Variants in FLNA observed in about 807,000 individuals in gnomAD.
FLNA encodes filamin A.
Under a neutral mutation model 157.6 loss-of-function variants are expected in FLNA, and 7 were observed. The ratio of observed to expected loss-of-function variants is 0.04; its 90% CI spans 0.03 to 0.08. FLNA has a LOEUF of 0.08. Among genes scored for constraint, FLNA ranks in the 10% least tolerant of loss-of-function variants. The probability of loss-of-function intolerance (pLI) is 1.00; values close to 1 mark genes in which losing one functional copy is unlikely to be tolerated. For missense variants in FLNA, 1,750 were observed against 2,398.4 expected (o/e 0.73, Z 5.65); for synonymous variants, 1,103 against 1,060.8 (o/e 1.04, Z -0.77).
At position 154,371,203 on chromosome X, in the gene FLNA, C is replaced by T. The variant is rs782034946; in HGVS notation, c.43G>A (p.Ala15Thr). ...GTGTCGACGCCGCCGCCCGGAGCCGCGCCTGCTGCGCTCTGGCCCGCCCGA... is the reference window on the plus strand; with the variant it reads ...GTGTCGACGCCGCCGCCCGGAGCCGTGCCTGCTGCGCTCTGGCCCGCCCGA... Reference protein sequence around the residue: ...HSRAGQSAAGAAPGGGVDTRD... With the variant: ...HSRAGQSAAGTAPGGGVDTRD... The change falls in exon 2 of 48, where the codon GCG becomes ACG. Residue 15 changes from alanine to threonine, a missense_variant. By Grantham distance (58) the Ala-to-Thr change is moderately conservative. Around this residue, in one of 5 missense-constraint regions of FLNA, gnomAD observed 58 missense variants for 27.8 expected, o/e 2.09. Transcript: ENST00000369850. 8 of 1,197,217 alleles carry T rather than the reference C, an allele frequency of 6.7e-6. No individual in the cohort carries two copies. The highest frequency in any genetic ancestry group is 1.1e-6 in the Non-Finnish European group (1 of 888,919).
rs12008807 is a variant in FLNA at position 154,350,140 on chromosome X, G to A, written c.7224C>T (p.Gly2408=). The change falls in exon 45 of 48, where the codon GGC becomes GGT. Residue 2408 remains glycine (G), a synonymous_variant. Transcript: ENST00000369850. ...TGAAGGGGCTTCCAGGGATGTGGGT[G>A]CCGTTGAACTTGACGTCAATCAGGT... ...GVYLIDVKFN[G]THIPGSPFKI... 4.6e-3 allele frequency: 5,590 copies of A among 1,210,095 alleles called. 168 individuals carry two copies. In the African/African-American group the frequency reaches 0.082, roughly 18 times the overall value.
At chrX:154,354,504 A>G in intron 32 of FLNA, 21 bp from the exon 33 acceptor site, 1 of 1,195,829 alleles carries the variant, frequency 8.4e-7, no homozygotes, top group South Asian at 1.8e-5. Flanking sequence ...GACACAGGGC[A>G]TGGGTGAGGG....
rs61741041 is a variant in FLNA, at chrX:154,357,459, C to T, written c.4920G>A (p.Gly1640=). The part of the protein sequence containing the change: ...SPYRVRAVPT[G]DASKCTVTVS... Reference sequence around the variant, plus strand: ...CTGTGACAGTGCACTTGCTGGCGTCCCCGGTGGGCACGGCACGCACGCGGT... The same window carrying T: ...CTGTGACAGTGCACTTGCTGGCGTCTCCGGTGGGCACGGCACGCACGCGGT... The change falls in exon 29 of 48, where the codon GGG becomes GGA. Residue 1640 remains glycine (G), a synonymous_variant. Transcript: ENST00000369850. 17,630 of 1,208,249 alleles carry T rather than the reference C, an allele frequency of 0.015. 1,634 individuals are homozygous for T. The African/African-American group carries it at 0.27, about 18-fold the overall frequency.
chrX:154,366,110 G>T lies in FLNA; in HGVS notation c.1343C>A (p.Pro448His). Residue 448 changes from proline (P) to histidine (H), a missense_variant, in exon 9 of 48, where the codon CCC (proline) becomes CAC (histidine). By Grantham distance (77) the Pro-to-His change is moderately conservative. This residue lies in a region of FLNA where 648 missense variants were observed against 805.8 expected (regional missense o/e 0.80). Transcript: ENST00000369850. ...GDSTYRCSYQ[P>H]TMEGVHTVHV... ...CACGGTGTGGACGCCCTCCATGGTG[G>T]GCTGGTAGCTGCAGCGGTATGTGCT... 1 of 1,210,594 alleles carries T rather than the reference G, an allele frequency of 8.3e-7. No homozygotes were observed. Among genetic ancestry groups the T allele is most frequent in the South Asian group, 1.8e-5 (1 of 57,055 alleles).
At chrX:154,361,076 A>AAAAGAAAAAAAAAAAAAAG (rs2067705302) in intron 21 of FLNA, among the ~76,000 whole-genome samples, 2 of 89,021 alleles carry the variant, frequency 2.2e-5, no homozygotes, top group Non-Finnish European at 4.5e-5. Flanking sequence ...AAAAAAAAAA[A>AAAAGAAAAAAAAAAAAAAG]AAAGAAAGAA....
Position 154,364,034 on chromosome X carries a change from G to A in FLNA, c.2268C>T (p.Asn756=), listed in dbSNP as rs1224648230. 3 of 1,209,529 alleles carry A rather than the reference G, an allele frequency of 2.5e-6. No homozygotes were observed. The highest frequency in any genetic ancestry group is 3.4e-6 in the Non-Finnish European group (3 of 894,775). Residue 756 remains asparagine, a synonymous_variant, in exon 15 of 48, where the codon AAC becomes AAT. Coordinates refer to ENST00000369850, the MANE Select transcript of FLNA (RefSeq NM_001110556.2). ...GAGGTTGGCTCACCCTGAAGGGGCTGTTGGGGATGCTGACGCCTCCCCAGG... is the reference window on the plus strand; with the variant it reads ...GAGGTTGGCTCACCCTGAAGGGGCTATTGGGGATGCTGACGCCTCCCCAGG... ...MVSWGGVSIP[N]SPFRVNVGAG...
At chrX:154,372,159 G>A (rs781932007) in intron 1 of FLNA, among the ~76,000 whole-genome samples, 1 of 113,526 alleles carries the variant, frequency 8.8e-6, no homozygotes, top group East Asian at 2.8e-4. Context: ...GCCTTCGAAG[G>A]GGTCCGGGCA....
intron 2 of FLNA, among the ~76,000 whole-genome samples, chrX:154,370,500 G>A (rs1356472422): frequency 2.7e-5 from 3 of 112,811 alleles, no homozygotes; most frequent in African/African-American, 9.6e-5. Context: ...GCTGTGGGGG[G>A]AGAGCCCGGG....
In FLNA at chrX:154,358,738, G is replaced by C; in HGVS notation, c.4475-170C>G. 7.6e-6 allele frequency: 5 copies of C among 659,937 alleles called. 1 individual carries two copies. In the South Asian group the frequency reaches 1.2e-4, roughly 16 times the overall value. The allele number at this position is 659,937 out of a possible 1,213,427, so 54.4% of individuals were successfully genotyped here. Reference sequence around the variant, plus strand: ...CTCTGGCACGAAAGACACCCATCTGGGTGCCAGCTGGGACCCTTGCCTGCC... The same window carrying C: ...CTCTGGCACGAAAGACACCCATCTGCGTGCCAGCTGGGACCCTTGCCTGCC... On this transcript the variant is annotated intron_variant, in intron 26 of 47. Transcript: ENST00000369850.
rs1250908398 is a variant in FLNA, at chrX:154,360,138, A to G, written c.3657T>C (p.Ile1219=). 2 of 1,209,314 alleles carry G rather than the reference A, an allele frequency of 1.7e-6. No individual in the cohort carries two copies. The highest frequency in any genetic ancestry group is 4.3e-5 in the Admixed American group (2 of 46,118). Residue 1219 remains isoleucine, a synonymous_variant, in exon 22 of 48, where the codon ATT becomes ATC. Coordinates refer to ENST00000369850, the MANE Select transcript of FLNA (RefSeq NM_001110556.2). ...IQDHGDGTHT[I]TYIPLCPGAY... ...CCCCGGGGCAGAGGGGAATGTAGGT[A>G]ATGGTGTGCGTGCCATCACCGTGGT...
At chrX:154,353,816 G>A in intron 35 of FLNA, 89 bp from the exon 36 acceptor site, 2 of 1,194,329 alleles carry the variant, frequency 1.7e-6, no homozygotes, top group South Asian at 3.5e-5. Context: ...AGGGCAGCAG[G>A]GCAGGGAGCC....
In FLNA at chrX:154,348,560, C is replaced by A. The variant is rs1018082415; in HGVS notation, c.*289G>T. 4 of 326,130 alleles carry A rather than the reference C, an allele frequency of 1.2e-5. No homozygotes were observed. The highest frequency in any genetic ancestry group is 9.5e-5 in the South Asian group (1 of 10,516). The allele number at this position is 326,130 out of a possible 1,213,427, so 26.9% of individuals were successfully genotyped here. A position where few individuals can be genotyped will look rare whatever the true frequency, so the allele number is the denominator to read the frequency against. On this transcript the variant is annotated 3_prime_UTR_variant, in exon 48 of 48. Coordinates refer to ENST00000369850, the MANE Select transcript of FLNA (RefSeq NM_001110556.2). ...GGAAGCAAAACTTTATTCCTCTTGG[C>A]TGGAGAAGAGAACTAGTGGGTGGTT...
At chrX:154,368,830 G>A (rs782507692) in intron 2 of FLNA, among the ~76,000 whole-genome samples, 1 of 113,115 alleles carries the variant, frequency 8.8e-6, no homozygotes, top group East Asian at 2.8e-4. Context: ...AGATGCCGGG[G>A]TGGCAGCAGG....
At chrX:154,355,206 C>T in intron 30 of FLNA, 134 bp from the exon 31 acceptor site, 1 of 648,456 alleles carries the variant, frequency 1.5e-6, no homozygotes, top group South Asian at 2.9e-5. Flanking sequence ...GGCCTCCTGC[C>T]CCGCCCTGCC....
At chrX:154,368,401 G>A (rs1207143457) in intron 2 of FLNA, among the ~76,000 whole-genome samples, 2 of 112,312 alleles carry the variant, frequency 1.8e-5, no homozygotes, top group Admixed American at 1.9e-4. Flanking sequence ...GCCTGCAGAT[G>A]GGCAGCTCTG....
intron 41 of FLNA, 48 bp downstream of exon 41, chrX:154,352,120 ACCCCCAACCCCAC>A: frequency 2.5e-6 from 3 of 1,205,058 alleles, no homozygotes; most frequent in Non-Finnish European, 3.4e-6. Context: ...TCTTTCCTCC[ACCCCCAACCCCAC>A]CCTGGCCAAC....
In FLNA at chrX:154,364,089, C is replaced by T; in HGVS notation, c.2213G>A (p.Arg738Lys). 2 of 1,211,100 alleles carry T rather than the reference C, an allele frequency of 1.7e-6. No homozygotes were observed. The highest frequency in any genetic ancestry group is 1.7e-5 in the African/African-American group (1 of 57,889). The change falls in exon 15 of 48, where the codon AGG becomes AAG. Residue 738 changes from arginine (R) to lysine (K), a missense_variant. By Grantham distance (26) the Arg-to-Lys change is conservative. This residue lies in a region of FLNA where 648 missense variants were observed against 805.8 expected (regional missense o/e 0.80). Transcript: ENST00000369850. ...CATGGCTGTGTGCTTCACCGGCTTCCTGGGCACGTAGGAGCAGCTGTAAGT... is the reference window on the plus strand; with the variant it reads ...CATGGCTGTGTGCTTCACCGGCTTCTTGGGCACGTAGGAGCAGCTGTAAGT... The part of the protein sequence containing the change: ...NGTYSCSYVP[R>K]KPVKHTAMVS...
In FLNA at chrX:154,353,601, T is replaced by C; in HGVS notation, c.5813A>G (p.Tyr1938Cys). 2.5e-6 allele frequency: 3 copies of C among 1,211,994 alleles called. No homozygotes were observed. Among genetic ancestry groups the C allele is most frequent in the Non-Finnish European group, 2.2e-6 (2 of 895,545 alleles). The stretch of plus-strand genomic sequence containing the variant: ...GCTGCCTGGGACGTGCTGTTCATTG[T>C]ACTTGACTAGAATGCTGTAGTCCCC... Reference protein sequence around the residue: ...LPGDYSILVKYNEQHVPGSPF... With the variant: ...LPGDYSILVKCNEQHVPGSPF... Residue 1938 changes from tyrosine (Y) to cysteine (C), a missense_variant, in exon 36 of 48, where the codon TAC (tyrosine) becomes TGC (cysteine). Tyr to Cys is a radical substitution (Grantham distance 194). Around this residue, in one of 5 missense-constraint regions of FLNA, gnomAD observed 970 missense variants for 1,302.6 expected, o/e 0.74. Coordinates refer to ENST00000369850, the MANE Select transcript of FLNA (RefSeq NM_001110556.2).
At chrX:154,373,146 C>T (rs2067820626) in intron 1 of FLNA, among the ~76,000 whole-genome samples, 1 of 112,481 alleles carries the variant, frequency 8.9e-6, no homozygotes, top group Non-Finnish European at 1.9e-5. Context: ...CCTCCCTGCA[C>T]GGGCCCCATT....
Sources: gnomAD v4.1 joint callset for allele counts (sites outside exome capture counted in the v4.1 genomes callset) on GRCh38, gnomAD v4.1.1 for gene constraint, gnomAD v4.1.1 regional missense constraint, MANE v1.5 for transcripts, NCBI Gene and HGNC (gene_info 2026-07-23, HGNC 2026-07-21) for gene names.